The following PSMA1 variants were observed in gnomAD, a reference collection of about 807,000 sequenced individuals.
PSMA1 encodes proteasome 20S subunit alpha 1.
Under a neutral mutation model 38.4 loss-of-function variants are expected in PSMA1, and 3 were observed. That is an observed-to-expected ratio of 0.08 (90% CI 0.04 to 0.20). The LOEUF is 0.20. PSMA1 is among the 10% of genes least tolerant of loss of function. The pLI is 1.00. For synonymous variants in PSMA1, 101 were observed against 107.1 expected (o/e 0.94, Z 0.35); for missense variants, 227 against 325.3 (o/e 0.70, Z 2.32).
chr11:14,517,706 G>A lies in PSMA1; in HGVS notation c.190C>T (p.Leu64Phe), dbSNP rs768777120. Residue 64 changes from leucine (L) to phenylalanine (F), a missense_variant, in exon 4 of 10, where the codon CTC (leucine) becomes TTC (phenylalanine). Transcript: ENST00000396394. ...SELAAHQKKILHVDNHIGISI... is the reference protein window; with the variant it reads ...SELAAHQKKIFHVDNHIGISI... ...ATACCAATATGGTTGTCAACATGGA[G>A]AATTTTTTTCTGATGAGCTGCAAGC... 1 of 1,608,082 alleles carries A rather than the reference G, an allele frequency of 6.2e-7. No homozygotes were observed. The highest frequency in any genetic ancestry group is 1.7e-5 in the Admixed American group (1 of 59,124).
intron 1 of PSMA1, 155 bp downstream of exon 1, chr11:14,520,142 G>C (rs1475575164): frequency 8.2e-7 from 1 of 1,213,936 alleles, no homozygotes; most frequent in Non-Finnish European, 1.2e-6. Context: ...CGGCCAGGCC[G>C]GAGATGCTGA....
chr11:14,519,293 A>G, intron 1 of PSMA1: 1 of 541,568 alleles, frequency 1.8e-6, no homozygotes, highest in Non-Finnish European at 3.5e-6. Context: ...CTCCATATCA[A>G]CCCCTTTAGG....
intron 2 of PSMA1, among the ~76,000 whole-genome samples, chr11:14,575,988 A>T (rs1400049994): frequency 6.6e-6 from 1 of 152,018 alleles, no homozygotes; most frequent in Non-Finnish European, 1.5e-5. Flanking sequence ...TGTGGTTTTG[A>T]TTTGTATTTC....
intron 2 of PSMA1, among the ~76,000 whole-genome samples, chr11:14,589,201 G>A (rs1176265163): frequency 6.6e-6 from 1 of 152,048 alleles, no homozygotes; most frequent in East Asian, 1.9e-4. Flanking sequence ...ATTTAAAAAT[G>A]TGAAGTTAAA....
chr11:14,507,023 G>C (rs1272273657), intron 9 of PSMA1, among the ~76,000 whole-genome samples: 2 of 152,160 alleles, frequency 1.3e-5, no homozygotes, highest in African/African-American at 2.4e-5. Context: ...AGAGATCCCA[G>C]GTGAGACCAG....
At chr11:14,633,794 T>C (rs946060655) in intron 1 of PSMA1, among the ~76,000 whole-genome samples, 9 of 152,194 alleles carry the variant, frequency 5.9e-5, no homozygotes, top group African/African-American at 1.2e-4. Flanking sequence ...AGTGAGACTC[T>C]GTGGGCATAG....
chr11:14,580,271 C>T (rs1255589604), intron 2 of PSMA1, among the ~76,000 whole-genome samples: 1 of 152,206 alleles, frequency 6.6e-6, no homozygotes. Flanking sequence ...ACTGTCTGCT[C>T]CTGCCATACT....
upstream of PSMA1, among the ~76,000 whole-genome samples, chr11:14,521,343 A>AAG (rs1453174311): frequency 6.6e-6 from 1 of 150,886 alleles, no homozygotes; most frequent in African/African-American, 2.4e-5. Flanking sequence ...ATAAAAAAAA[A>AAG]AGGCTGGGCA....
chr11:14,586,081 T>G (rs995742516), intron 2 of PSMA1, among the ~76,000 whole-genome samples: 2 of 152,218 alleles, frequency 1.3e-5, no homozygotes, highest in African/African-American at 4.8e-5. Context: ...TTACCACATA[T>G]CTATCCATCT....
At chr11:14,538,415 C>A (rs183164322) in intron 2 of PSMA1, among the ~76,000 whole-genome samples, 1 of 152,326 alleles carries the variant, frequency 6.6e-6, no homozygotes, top group Admixed American at 6.5e-5. Flanking sequence ...TCTAGGCCTT[C>A]CCTGCATCCA....
At chr11:14,537,713 T>TC (rs1358042887) in intron 2 of PSMA1, among the ~76,000 whole-genome samples, 1 of 141,958 alleles carries the variant, frequency 7.0e-6, no homozygotes, top group African/African-American at 2.7e-5. Flanking sequence ...AAATTACCCT[T>TC]TTTTTTTTTT....
At chr11:14,591,686 G>T (rs996177744) in intron 2 of PSMA1, among the ~76,000 whole-genome samples, 1 of 152,120 alleles carries the variant, frequency 6.6e-6, no homozygotes, top group African/African-American at 2.4e-5. Flanking sequence ...TCCATACTCT[G>T]TATCTAACTA....
intron 2 of PSMA1, among the ~76,000 whole-genome samples, chr11:14,605,874 C>T (rs1386628440): frequency 6.6e-6 from 1 of 152,152 alleles, no homozygotes; most frequent in East Asian, 1.9e-4. Flanking sequence ...TGCAGAATCT[C>T]TTTAGTTTAA....
intron 2 of PSMA1, among the ~76,000 whole-genome samples, chr11:14,530,250 ACT>A (rs1432264618): frequency 2.0e-5 from 3 of 152,046 alleles, no homozygotes; most frequent in Admixed American, 1.3e-4. Flanking sequence ...CACACCAAAA[ACT>A]CTCAAAATCT....
At chr11:14,519,101 A>ACATT in intron 1 of PSMA1, 60 bp from the exon 2 acceptor site, 1 of 1,320,272 alleles carries the variant, frequency 7.6e-7, no homozygotes. Context: ...CCAACTCTTA[A>ACATT]CATTCATTAA....
In PSMA1 at chr11:14,556,237, T is replaced by C. The variant is rs144391234; in HGVS notation, c.22-37196A>G. 3.2e-4 allele frequency among the ~76,000 whole-genome samples: 48 copies of C among 152,368 alleles called. 1 individual carries two copies. The East Asian group carries it at 8.5e-3, about 27-fold the overall frequency. ...ATGTGTATTTCTTTGAGACCTAGCATGACTGAAAATGTTTTAAATTTAGCA... is the reference window on the plus strand; with the variant it reads ...ATGTGTATTTCTTTGAGACCTAGCACGACTGAAAATGTTTTAAATTTAGCA... On this transcript the variant is annotated intron_variant, in intron 2 of 10. Transcript: ENST00000418988.
intron 2 of PSMA1, among the ~76,000 whole-genome samples, chr11:14,598,521 G>T (rs539954838): frequency 6.6e-6 from 1 of 151,018 alleles, no homozygotes; most frequent in Non-Finnish European, 1.5e-5. Flanking sequence ...TGTCTCTTTT[G>T]ATCTTTGATG....
In PSMA1 at chr11:14,582,684, AT is replaced by A. The variant is rs71044011; in HGVS notation, c.21+28281del. Among the ~76,000 whole-genome samples, 710 of 138,788 alleles carry A rather than the reference AT, an allele frequency of 5.1e-3. 3 individuals carry two copies. Among genetic ancestry groups the A allele is most frequent in the East Asian group, 0.031 (144 of 4,712 alleles). 91.1% of individuals were successfully genotyped at this position (138,788 alleles called of 152,430 possible). A position where few individuals can be genotyped will look rare whatever the true frequency, so the allele number is the denominator to read the frequency against. On this transcript the variant is annotated intron_variant, in intron 2 of 10. Transcript: ENST00000418988. Reference sequence around the variant, plus strand: ...AGGCACACGCCAACAGGCCCAGCTAATTTTTTTTTTTTTTTTTGTACTTTTT... The same window carrying A: ...AGGCACACGCCAACAGGCCCAGCTAATTTTTTTTTTTTTTTTGTACTTTTT...
intron 2 of PSMA1, among the ~76,000 whole-genome samples, chr11:14,588,281 T>C (rs1215673313): frequency 6.6e-6 from 1 of 152,224 alleles, no homozygotes; most frequent in Non-Finnish European, 1.5e-5. Context: ...GAATTTGGGC[T>C]GAGGGAATGG....
Sources: gnomAD v4.1 joint callset for allele counts (sites outside exome capture counted in the v4.1 genomes callset) on GRCh38, gnomAD v4.1.1 for gene constraint, MANE v1.5 for transcripts, NCBI Gene and HGNC (gene_info 2026-07-23, HGNC 2026-07-21) for gene names.